TPGS2: variants seen among roughly 807,000 people sequenced by gnomAD.
The protein encoded by TPGS2 is polyglutamylase subunit 2.
TPGS2 carries 26 observed loss-of-function variants against 31.1 expected under a neutral mutation model. The ratio of observed to expected loss-of-function variants is 0.84; its 90% CI spans 0.61 to 1.16. TPGS2 has a LOEUF of 1.16. Ranked by LOEUF, TPGS2 falls within the 50% of genes most tolerant of loss-of-function variation. TPGS2 has a pLI of 0.00. For missense variants in TPGS2, 351 were observed against 363.8 expected (o/e 0.96, Z 0.29); for synonymous variants, 130 against 136.6 (o/e 0.95, Z 0.34).
At chr18:36,809,011 T>C (rs1018128446) in intron 2 of TPGS2, among the ~76,000 whole-genome samples, 1 of 152,186 alleles carries the variant, frequency 6.6e-6, no homozygotes, top group Non-Finnish European at 1.5e-5. Flanking sequence ...AGCTTGTGGC[T>C]TACTGGACCC....
intron 5 of TPGS2, among the ~76,000 whole-genome samples, chr18:36,799,647 A>T (rs571437759): frequency 1.4e-4 from 22 of 152,190 alleles, no homozygotes; most frequent in Middle Eastern, 3.4e-3. Context: ...TGGTGTCTGT[A>T]TCCTCTCACC....
chr18:36,797,051 C>T lies in TPGS2; in HGVS notation c.658-1G>A. 2 of 1,590,644 alleles carry T rather than the reference C, an allele frequency of 1.3e-6. No homozygotes were observed. Among genetic ancestry groups the T allele is most frequent in the Non-Finnish European group, 1.7e-6 (2 of 1,172,446 alleles). ...TAGGTTTATACATGCTGAACCATTGCTGTAAGGCAGAATTGGAAGACAAGG... is the reference window on the plus strand; with the variant it reads ...TAGGTTTATACATGCTGAACCATTGTTGTAAGGCAGAATTGGAAGACAAGG... On this transcript the variant is annotated splice_acceptor_variant, in intron 6 of 6. Transcript: ENST00000334295. LOFTEE classifies it high-confidence loss of function.
chr18:36,783,124 A>C lies in TPGS2; in HGVS notation c.665T>G (p.Leu222Ter). The C allele has an allele frequency of 2.5e-6, 1 of 398,538 alleles. No homozygotes were observed. Among genetic ancestry groups the C allele is most frequent in the Admixed American group, 4.4e-5 (1 of 22,734 alleles). The allele number at this position is 398,538 out of a possible 1,614,324, so 24.7% of individuals were successfully genotyped here. ...AGGACTAGATCCATCAAAAAGGCCT[A>C]AAAGAGCCTATAAGAAAAATCAATT... The change falls in exon 7 of 7, where the codon TTA becomes TGA. Residue 222 changes from leucine to a stop codon, truncating the protein, a stop_gained. Transcript: ENST00000587129. LOFTEE classifies it low-confidence loss of function (END_TRUNC).
At chr18:36,826,442 G>A (rs1480560372) in intron 1 of TPGS2, among the ~76,000 whole-genome samples, 1 of 144,784 alleles carries the variant, frequency 6.9e-6, no homozygotes. Context: ...GTGTGTGTGT[G>A]GATTCCTTAG....
intron 1 of TPGS2, among the ~76,000 whole-genome samples, chr18:36,819,878 A>G (rs1568029649): frequency 6.6e-6 from 1 of 152,212 alleles, no homozygotes; most frequent in Non-Finnish European, 1.5e-5. Flanking sequence ...CCCTAGTCCA[A>G]TGATTGGTGC....
chr18:36,823,342 C>G (rs570563452), intron 1 of TPGS2, among the ~76,000 whole-genome samples: 1 of 152,096 alleles, frequency 6.6e-6, no homozygotes, highest in Non-Finnish European at 1.5e-5. Context: ...GGGCCACTCT[C>G]GGCTTGCAGA....
chr18:36,787,890 TG>T (rs1421089617), intron 6 of TPGS2, among the ~76,000 whole-genome samples: 14 of 152,182 alleles, frequency 9.2e-5, no homozygotes, highest in Non-Finnish European at 1.0e-4. Flanking sequence ...TGTCAGCAGG[TG>T]TTATGAAAAA....
intron 6 of TPGS2, chr18:36,787,189 T>C (rs935347242): frequency 8.7e-7 from 1 of 1,152,000 alleles, no homozygotes. Flanking sequence ...CACAAGGTAA[T>C]AGGGGGCCTT....
rs1480382847 is a variant in TPGS2, at chr18:36,820,043, C to T, written c.86-1070G>A. On this transcript the variant is annotated intron_variant, in intron 1 of 6. Transcript: ENST00000334295. ...AATCATTTTATGTGGTTCACTGATC[C>T]TATAATTAAGCCAGTGTCCTTTTTA... Among the ~76,000 whole-genome samples, 3 of 152,164 alleles carry T rather than the reference C, an allele frequency of 2.0e-5. No homozygotes were observed. In the East Asian group the frequency reaches 5.8e-4, roughly 29 times the overall value.
downstream of TPGS2, among the ~76,000 whole-genome samples, chr18:36,790,806 T>C (rs1168528492): frequency 6.6e-6 from 1 of 152,236 alleles, no homozygotes; most frequent in African/African-American, 2.4e-5. Context: ...TATCCTGAAG[T>C]ATGAAGCAGT....
At chr18:36,825,368 C>T (rs753905116) in intron 1 of TPGS2, among the ~76,000 whole-genome samples, 94 of 146,976 alleles carry the variant, frequency 6.4e-4, no homozygotes, top group Non-Finnish European at 1.1e-3. Context: ...GGAGGCGGAG[C>T]TTGCAGCGAG....
intron 6 of TPGS2, among the ~76,000 whole-genome samples, chr18:36,797,726 G>A (rs894146314): frequency 6.6e-6 from 1 of 151,058 alleles, no homozygotes; most frequent in Non-Finnish European, 1.5e-5. Context: ...AAACCACCAC[G>A]AAGGAGCCCA....
At chr18:36,828,600 G>T in intron 1 of TPGS2, 83 bp downstream of exon 1, 1 of 1,478,190 alleles carries the variant, frequency 6.8e-7, no homozygotes, top group Admixed American at 1.7e-5. Flanking sequence ...GGCCAGCGTC[G>T]CACCGCTCAC....
downstream of TPGS2, among the ~76,000 whole-genome samples, chr18:36,791,116 T>TTCC (rs902401032): frequency 6.6e-6 from 1 of 152,146 alleles, no homozygotes; most frequent in Non-Finnish European, 1.5e-5. Flanking sequence ...CTTCACTCTC[T>TTCC]TCCTCCTCCT....
intron 5 of TPGS2, 135 bp downstream of exon 5, chr18:36,800,063 G>A (rs2044727482): frequency 2.8e-6 from 2 of 710,374 alleles, no homozygotes; most frequent in Admixed American, 5.2e-5. Flanking sequence ...GGGGTTTTTG[G>A]GTTTGGGACA....
Position 36,795,648 on chromosome 18 carries a change from T to C in TPGS2, c.*1157A>G. 1.0e-6 allele frequency: 1 copy of C among 985,484 alleles called. No homozygotes were observed. The highest frequency in any genetic ancestry group is 1.2e-6 in the Non-Finnish European group (1 of 829,938). 61.0% of individuals were successfully genotyped at this position (985,484 alleles called of 1,614,324 possible). A position where few individuals can be genotyped will look rare whatever the true frequency, so the allele number is the denominator to read the frequency against. ...AAATGTAGTAGGTATGTCAGATTTA[T>C]CTTGTGTCAAATATTAAGCATATGT... is the stretch of plus-strand genomic sequence containing the variant. On this transcript the variant is annotated 3_prime_UTR_variant, in exon 7 of 7. Coordinates refer to ENST00000334295, the MANE Select transcript of TPGS2 (RefSeq NM_015476.4).
At chr18:36,822,953 A>G (rs1278826204) in intron 1 of TPGS2, among the ~76,000 whole-genome samples, 2 of 152,230 alleles carry the variant, frequency 1.3e-5, no homozygotes, top group African/African-American at 2.4e-5. Flanking sequence ...CTCTATAATA[A>G]TAGTCCATAA....
intron 3 of TPGS2, 144 bp from the exon 4 acceptor site, chr18:36,805,646 A>G (rs2045086969): frequency 8.5e-7 from 1 of 1,173,048 alleles, no homozygotes; most frequent in Non-Finnish European, 1.2e-6. Flanking sequence ...GAAGAAGAGG[A>G]TTACTCACTG....
At chr18:36,798,107 G>A in intron 6 of TPGS2, 1 of 1,079,068 alleles carries the variant, frequency 9.3e-7, no homozygotes. Flanking sequence ...TGCACACTTG[G>A]AGAACAGGGG....
Sources: gnomAD v4.1 joint callset for allele counts (sites outside exome capture counted in the v4.1 genomes callset) on GRCh38, gnomAD v4.1.1 for gene constraint, MANE v1.5 for transcripts, NCBI Gene and HGNC (gene_info 2026-07-23, HGNC 2026-07-21) for gene names.